DOCK3: variants seen among roughly 807,000 people sequenced by gnomAD.
The protein encoded by DOCK3 is dedicator of cytokinesis protein 3.
A neutral mutation model predicts 265.6 loss-of-function variants in DOCK3; 60 were observed. The observed-to-expected ratio is 0.23, with a 90% CI of 0.18 to 0.28. The LOEUF is 0.28. Among genes scored for constraint, DOCK3 ranks in the 10% least tolerant of loss-of-function variants. The pLI is 1.00. For missense variants in DOCK3, 1,981 were observed against 2,594.3 expected (o/e 0.76, Z 5.14); for synonymous variants, 881 against 938.0 (o/e 0.94, Z 1.11).
chr3:51,214,242 T>C lies in DOCK3; in HGVS notation c.1247T>C (p.Met416Thr), dbSNP rs2089660424. The C allele has an allele frequency of 2.5e-6, 4 of 1,613,638 alleles. No individual in the cohort carries two copies. The highest frequency in any genetic ancestry group is 1.3e-5 in the African/African-American group (1 of 75,050). Residue 416 changes from methionine (M) to threonine (T), a missense_variant, in exon 14 of 53, where the codon ATG becomes ACG. Transcript: ENST00000266037. ...TRKLGFPDVI[M>T]PGDIRNDLYL... ...AAATTGGGATTTCCTGATGTCATTA[T>C]GCCAGGTATGCAGAACTGCTTGGGG...
intron 2 of DOCK3, among the ~76,000 whole-genome samples, chr3:50,802,471 T>G (rs1346315403): frequency 6.6e-6 from 1 of 152,192 alleles, no homozygotes. Context: ...ATGAGTTTTC[T>G]TAGTTTTTCT....
chr3:50,814,381 C>T (rs1007334050), intron 2 of DOCK3, among the ~76,000 whole-genome samples: 1 of 152,096 alleles, frequency 6.6e-6, no homozygotes, highest in Non-Finnish European at 1.5e-5. Flanking sequence ...ATCCTTCCAC[C>T]TCAGACTCCT....
At chr3:51,080,061 T>G (rs1338944788) in intron 7 of DOCK3, among the ~76,000 whole-genome samples, 1 of 152,256 alleles carries the variant, frequency 6.6e-6, no homozygotes. Flanking sequence ...AAATCAGTAA[T>G]TGTATATGCT....
chr3:50,871,137 G>A (rs577981872), intron 3 of DOCK3, among the ~76,000 whole-genome samples: 6 of 151,946 alleles, frequency 3.9e-5, no homozygotes, highest in East Asian at 1.9e-4. Flanking sequence ...GTTGCTTGTC[G>A]TCATCCTTTT....
At chr3:51,153,424 G>A (rs2085705521) in intron 10 of DOCK3, among the ~76,000 whole-genome samples, 1 of 152,152 alleles carries the variant, frequency 6.6e-6, no homozygotes, top group Admixed American at 6.5e-5. Flanking sequence ...GGCTTCCCTT[G>A]GCTAAGAAAG....
intron 3 of DOCK3, among the ~76,000 whole-genome samples, chr3:50,851,524 C>T (rs1397947565): frequency 1.3e-5 from 2 of 152,154 alleles, no homozygotes; most frequent in East Asian, 1.9e-4. Flanking sequence ...GGCTGCTGGT[C>T]TAGGCAAGCG....
chr3:50,956,667 T>C lies in DOCK3; in HGVS notation c.315+22590T>C, dbSNP rs183528954. Reference sequence around the variant, plus strand: ...GGAAGATTAGAGAAGAGGAGTGTCATGGCCAAGCTGAAGCACATAGATTTT... The same window carrying C: ...GGAAGATTAGAGAAGAGGAGTGTCACGGCCAAGCTGAAGCACATAGATTTT... On this transcript the variant is annotated intron_variant, in intron 5 of 52. Coordinates refer to ENST00000266037, the MANE Select transcript of DOCK3 (RefSeq NM_004947.5). Among the ~76,000 whole-genome samples the C allele has an allele frequency of 1.1e-4, 16 of 152,254 alleles. 1 individual carries two copies. The East Asian group carries it at 2.9e-3, about 28-fold the overall frequency.
Position 51,227,453 on chromosome 3 carries a change from A to C in DOCK3, c.1540+8A>C. ...AGTTCAGACATTGTTCCAGTGAGTT[A>C]GACTTCCCCCCCTCCACATTCCCTT... is the stretch of plus-strand genomic sequence containing the variant. On this transcript the variant is annotated splice_region_variant and intron_variant, in intron 16 of 52. Coordinates refer to ENST00000266037, the MANE Select transcript of DOCK3 (RefSeq NM_004947.5). 3 of 1,613,690 alleles carry C rather than the reference A, an allele frequency of 1.9e-6. No homozygotes were observed. Among genetic ancestry groups the C allele is most frequent in the Non-Finnish European group, 2.5e-6 (3 of 1,179,694 alleles).
intron 20 of DOCK3, among the ~76,000 whole-genome samples, chr3:51,237,145 C>T (rs943331042): frequency 1.3e-5 from 2 of 152,080 alleles, no homozygotes; most frequent in African/African-American, 2.4e-5. Context: ...CTCTTTTCCA[C>T]GTTTTTGGGA....
chr3:50,796,893 T>C (rs894310939), intron 2 of DOCK3, among the ~76,000 whole-genome samples: 1 of 152,120 alleles, frequency 6.6e-6, no homozygotes, highest in Non-Finnish European at 1.5e-5. Flanking sequence ...CTGGGCTGCA[T>C]GCTCTAACTC....
At chr3:51,283,885 G>T (rs1316288165) in intron 27 of DOCK3, among the ~76,000 whole-genome samples, 1 of 152,184 alleles carries the variant, frequency 6.6e-6, no homozygotes, top group Non-Finnish European at 1.5e-5. Flanking sequence ...TGATCCTCCT[G>T]AAACAGTGCA....
At chr3:51,173,936 G>A (rs2086811086) in intron 12 of DOCK3, among the ~76,000 whole-genome samples, 1 of 151,744 alleles carries the variant, frequency 6.6e-6, no homozygotes, top group Admixed American at 6.6e-5. Flanking sequence ...GCTTATATTT[G>A]TTATCTTCAT....
intron 32 of DOCK3, among the ~76,000 whole-genome samples, chr3:51,317,092 A>G (rs1169743503): frequency 6.6e-6 from 1 of 152,016 alleles, no homozygotes; most frequent in Non-Finnish European, 1.5e-5. Flanking sequence ...ATAGTTTTAC[A>G]TTTTAAATTT....
intron 1 of DOCK3, among the ~76,000 whole-genome samples, chr3:50,730,218 T>G (rs2038107980): frequency 6.6e-6 from 1 of 152,162 alleles, no homozygotes; most frequent in Non-Finnish European, 1.5e-5. Flanking sequence ...CTCAGCTCAC[T>G]GCAACCTCTG....
At chr3:50,889,066 G>GGGGTGTGTGTGT (rs869046567) in intron 3 of DOCK3, among the ~76,000 whole-genome samples, 211 of 134,264 alleles carry the variant, frequency 1.6e-3, no homozygotes, top group African/African-American at 5.2e-3. Context: ...TTAAGCCATG[G>GGGGTGTGTGTGT]GTGTGTGTGT....
intron 26 of DOCK3, among the ~76,000 whole-genome samples, chr3:51,279,685 T>C (rs1233636672): frequency 6.6e-6 from 1 of 152,174 alleles, no homozygotes; most frequent in Non-Finnish European, 1.5e-5. Context: ...GAAGTCCTTG[T>C]AGAAGGGCTG....
intron 22 of DOCK3, among the ~76,000 whole-genome samples, chr3:51,250,269 TAA>T (rs200311513): frequency 0.9 from 122,317 of 136,158 alleles, 54,618 homozygotes; most frequent in Middle Eastern, 0.93. Flanking sequence ...GAATGATCAA[TAA>T]AAAAAAAAAA....
rs1235492088 is a variant in DOCK3, at chr3:51,228,841, T to C, written c.1819+9T>C. 1.9e-6 allele frequency: 3 copies of C among 1,613,234 alleles called. No homozygotes were observed. Among genetic ancestry groups the C allele is most frequent in the Non-Finnish European group, 2.5e-6 (3 of 1,179,540 alleles). ...CAAACTCACCCAGAATGGTAGGTGA[T>C]AATGCCTGCAGGGTGGTGCCCTCCA... On this transcript the variant is annotated intron_variant, in intron 18 of 52. Transcript: ENST00000266037.
chr3:51,356,555 G>C (rs984722015), intron 43 of DOCK3, 62 bp downstream of exon 43: 65 of 1,537,984 alleles, frequency 4.2e-5, no homozygotes, highest in Non-Finnish European at 5.4e-5. Context: ...AGCTCTGGGG[G>C]CCCTTCTCTA....
Sources: gnomAD v4.1 joint callset for allele counts (sites outside exome capture counted in the v4.1 genomes callset) on GRCh38, gnomAD v4.1.1 for gene constraint, MANE v1.5 for transcripts, NCBI Gene and HGNC (gene_info 2026-07-23, HGNC 2026-07-21) for gene names.